The following CLSTN2 variants were observed in gnomAD, a reference collection of about 807,000 sequenced individuals.
CLSTN2 encodes calsyntenin-2.
CLSTN2 carries 48 observed loss-of-function variants against 101.2 expected under a neutral mutation model. The ratio of observed to expected loss-of-function variants is 0.47; its 90% CI spans 0.38 to 0.60. CLSTN2 has a LOEUF of 0.60. Among genes scored for constraint, CLSTN2 ranks in the 20% least tolerant of loss-of-function variants. The pLI is 0.00. For missense variants in CLSTN2, 1,160 were observed against 1,238.2 expected (o/e 0.94, Z 0.95); for synonymous variants, 481 against 463.6 (o/e 1.04, Z -0.48).
intron 5 of CLSTN2, among the ~76,000 whole-genome samples, chr3:140,445,994 T>A (rs775526347): frequency 7.1e-6 from 1 of 141,144 alleles, no homozygotes; most frequent in Non-Finnish European, 1.5e-5. Flanking sequence ...GAAGGACACA[T>A]GGAGGAGGTG....
intron 2 of CLSTN2, among the ~76,000 whole-genome samples, chr3:140,261,427 T>C (rs1439224328): frequency 2.0e-5 from 3 of 152,160 alleles, no homozygotes; most frequent in African/African-American, 4.8e-5. Context: ...CACTGTCTTT[T>C]GGTTTTTGGG....
chr3:140,411,268 G>T (rs947660123), intron 4 of CLSTN2, among the ~76,000 whole-genome samples: 2 of 151,990 alleles, frequency 1.3e-5, no homozygotes, highest in African/African-American at 4.8e-5. Context: ...AGAGATCAAG[G>T]GTAGCTATAC....
At chr3:140,011,780 G>A (rs368259818) in intron 1 of CLSTN2, among the ~76,000 whole-genome samples, 4 of 151,944 alleles carry the variant, frequency 2.6e-5, no homozygotes, top group Admixed American at 2.0e-4. Flanking sequence ...TGGCAGGATG[G>A]GTAAGTGTCT....
chr3:140,480,316 G>A (rs922580491), intron 8 of CLSTN2, among the ~76,000 whole-genome samples: 8 of 152,132 alleles, frequency 5.3e-5, no homozygotes, highest in Non-Finnish European at 1.0e-4. Flanking sequence ...TGGTGTATAT[G>A]TGCCACATTT....
chr3:140,373,053 T>A (rs769964624), intron 2 of CLSTN2, among the ~76,000 whole-genome samples: 1 of 152,226 alleles, frequency 6.6e-6, no homozygotes, highest in Non-Finnish European at 1.5e-5. Context: ...GGGGGACAGA[T>A]TGAGACCCTG....
intron 2 of CLSTN2, among the ~76,000 whole-genome samples, chr3:140,387,281 T>C (rs750923378): frequency 2.0e-5 from 3 of 152,176 alleles, no homozygotes; most frequent in Non-Finnish European, 4.4e-5. Flanking sequence ...ATTGTGTTTA[T>C]GCTGGATTTT....
chr3:140,423,619 T>A (rs993937012), intron 5 of CLSTN2, among the ~76,000 whole-genome samples: 1 of 152,212 alleles, frequency 6.6e-6, no homozygotes, highest in Non-Finnish European at 1.5e-5. Flanking sequence ...AAGAGCCTAA[T>A]CAATCCTTTA....
At chr3:140,066,940 C>T (rs1207821707) in intron 1 of CLSTN2, among the ~76,000 whole-genome samples, 1 of 152,184 alleles carries the variant, frequency 6.6e-6, no homozygotes, top group African/African-American at 2.4e-5. Context: ...AGTAATTTAT[C>T]ATTGGTGTAT....
Position 140,513,583 on chromosome 3 carries a change from C to CTTTTTTTT in CLSTN2, c.1345-18731_1345-18724dup, listed in dbSNP as rs55778787. On this transcript the variant is annotated intron_variant, in intron 8 of 16. Transcript: ENST00000458420. ...CCTGAAGCTTTCTTTTTTTTTCTTT[C>CTTTTTTTT]TTTTTTTTTTTTTTTTTGGGTGTGT... Among the ~76,000 whole-genome samples the CTTTTTTTT allele has an allele frequency of 1.5e-3, 175 of 117,680 alleles. 2 individuals are homozygous for CTTTTTTTT. The highest frequency in any genetic ancestry group is 4.7e-3 in the African/African-American group (143 of 30,124). 77.2% of individuals were successfully genotyped at this position (117,680 alleles called of 152,430 possible). A position where few individuals can be genotyped will look rare whatever the true frequency, so the allele number is the denominator to read the frequency against.
intron 2 of CLSTN2, among the ~76,000 whole-genome samples, chr3:140,359,514 A>G (rs1203441894): frequency 1.3e-5 from 2 of 152,230 alleles, no homozygotes; most frequent in Non-Finnish European, 2.9e-5. Flanking sequence ...TCTCTGCCTA[A>G]CTCACAATAA....
chr3:140,134,132 C>A (rs1305662503), intron 1 of CLSTN2, among the ~76,000 whole-genome samples: 1 of 152,162 alleles, frequency 6.6e-6, no homozygotes, highest in Non-Finnish European at 1.5e-5. Context: ...CTAATTCTCA[C>A]CTGGCTTGGA....
chr3:140,282,778 A>G (rs1423406771), intron 2 of CLSTN2, among the ~76,000 whole-genome samples: 2 of 152,174 alleles, frequency 1.3e-5, no homozygotes, highest in South Asian at 2.1e-4. Flanking sequence ...CTAGGTCTCA[A>G]TTCAAAAATG....
chr3:139,969,816 G>A (rs898924658), intron 1 of CLSTN2, among the ~76,000 whole-genome samples: 1 of 152,082 alleles, frequency 6.6e-6, no homozygotes, highest in African/African-American at 2.4e-5. Flanking sequence ...CAAATTCGGG[G>A]ATCTCTCCTC....
At chr3:140,157,931 A>G (rs1194159762) in intron 1 of CLSTN2, among the ~76,000 whole-genome samples, 1 of 152,220 alleles carries the variant, frequency 6.6e-6, no homozygotes, top group Non-Finnish European at 1.5e-5. Context: ...ATTTCAATAG[A>G]TGCAGAAAAA....
chr3:140,515,892 T>A (rs1934908178), intron 8 of CLSTN2, among the ~76,000 whole-genome samples: 1 of 152,210 alleles, frequency 6.6e-6, no homozygotes, highest in South Asian at 2.1e-4. Flanking sequence ...TGTTTCTTTG[T>A]TGACTTTCTG....
intron 7 of CLSTN2, among the ~76,000 whole-genome samples, chr3:140,461,810 G>C (rs767978198): frequency 6.6e-6 from 1 of 152,020 alleles, no homozygotes; most frequent in Non-Finnish European, 1.5e-5. Flanking sequence ...AGCACCCCAA[G>C]CAGCACCCAG....
At chr3:140,380,825 GTCT>G (rs893250580) in intron 2 of CLSTN2, among the ~76,000 whole-genome samples, 4 of 152,206 alleles carry the variant, frequency 2.6e-5, no homozygotes, top group Non-Finnish European at 4.4e-5. Context: ...CTGGGGTCCT[GTCT>G]TCTTCTTCCC....
At chr3:140,201,114 C>T (rs2010713158) in intron 2 of CLSTN2, among the ~76,000 whole-genome samples, 1 of 152,146 alleles carries the variant, frequency 6.6e-6, no homozygotes, top group Non-Finnish European at 1.5e-5. Context: ...AGAGGCCCTG[C>T]CTTCAAAAGT....
At chr3:140,086,474 T>G (rs551043678) in intron 1 of CLSTN2, among the ~76,000 whole-genome samples, 1 of 152,342 alleles carries the variant, frequency 6.6e-6, no homozygotes, top group East Asian at 1.9e-4. Context: ...TTGTATGGAT[T>G]GAATCATCTA....
Sources: allele counts gnomAD v4.1 joint callset (sites outside exome capture counted in the v4.1 genomes callset), GRCh38; gene constraint gnomAD v4.1.1; transcripts MANE v1.5; gene names NCBI Gene and HGNC (gene_info 2026-07-23, HGNC 2026-07-21).